ADGRB2: variants seen among roughly 807,000 people sequenced by gnomAD.
ADGRB2 encodes the protein adhesion G protein-coupled receptor B2.
A neutral mutation model predicts 178.7 loss-of-function variants in ADGRB2; 47 were observed. The observed-to-expected ratio is 0.26, with a 90% confidence interval of 0.21 to 0.34. The LOEUF (loss-of-function observed/expected upper bound fraction) is 0.34. Ranked by LOEUF, ADGRB2 falls within the 10% of genes least tolerant of loss-of-function variation. The probability of loss-of-function intolerance (pLI) is 1.00; values close to 1 mark genes in which losing one functional copy is unlikely to be tolerated. For missense variants in ADGRB2, 1,584 were observed against 2,180.8 expected (o/e 0.73, Z 5.45); for synonymous variants, 870 against 912.4 (o/e 0.95, Z 0.84).
chr1:31,742,913 G>C lies in ADGRB2; in HGVS notation c.1177C>G (p.Pro393Ala), dbSNP rs1334110662. ...CAGGCCTTGCCGCCGTGCTGGGGGG[G>C]CACGCAGGTCCGCATCCGGCTCCGG... ...GSRSRMRTCV[P>A]PQHGGKACEG... The change falls in exon 7 of 33, where the codon CCC (proline) becomes GCC (alanine). Residue 393 changes from proline (P) to alanine (A), a missense_variant. Pro to Ala is a conservative substitution (Grantham distance 27, BLOSUM62 -1). Around this residue, in one of 3 missense-constraint regions of ADGRB2, gnomAD observed 657 missense variants for 847.6 expected, o/e 0.78. Transcript: ENST00000373658. 1 of 1,542,232 alleles carries C rather than the reference G, an allele frequency of 6.5e-7. No homozygotes were observed. Among genetic ancestry groups the C allele is most frequent in the Admixed American group, 2.0e-5 (1 of 50,542 alleles).
In ADGRB2 at chr1:31,738,486, T is replaced by C. The variant is rs900999326; in HGVS notation, c.2645+101A>G. On this transcript the variant is annotated intron_variant, in intron 17 of 32. Transcript: ENST00000373658. The stretch of plus-strand genomic sequence containing the variant: ...ACGTTCTTGACCCCTTAGGCTAGGA[T>C]GGCACCAAAAATCCCTCTTGCCTTT... 20 of 1,534,272 alleles carry C rather than the reference T, an allele frequency of 1.3e-5. No homozygotes were observed. The Admixed American group carries it at 3.3e-4, about 25-fold the overall frequency.
At position 31,756,542 on chromosome 1, in the gene ADGRB2, G is replaced by A. The variant is rs758096646; in HGVS notation, c.295C>T (p.Pro99Ser). ...AAGTTGACCAGGTAGTGGTCCAGGG[G>A]CAGCAGGCGGGGGGCAAAGTGTGCG... The part of the protein sequence containing the change: ...VCAHFAPRLL[P>S]LDHYLVNFTC... The change falls in exon 4 of 33, where the codon CCC (proline) becomes TCC (serine). Residue 99 changes from proline to serine, a missense_variant. Pro to Ser is a moderately conservative substitution (Grantham distance 74, BLOSUM62 -1). This residue lies in a region of ADGRB2 where 657 missense variants were observed against 847.6 expected (regional missense o/e 0.78). Transcript: ENST00000373658. This position sits in a 1 kb window ranked among gnomAD's most constrained non-coding sequence, Gnocchi z 8.5. 2.5e-6 allele frequency: 4 copies of A among 1,613,270 alleles called. No homozygotes were observed. The highest frequency in any genetic ancestry group is 1.7e-5 in the Admixed American group (1 of 59,950).
chr1:31,727,539 AG>A lies in ADGRB2; in HGVS notation c.4638del (p.Phe1547SerfsTer4). 1 of 1,596,694 alleles carries A rather than the reference AG, an allele frequency of 6.3e-7. No individual in the cohort carries two copies. Among genetic ancestry groups the A allele is most frequent in the Non-Finnish European group, 8.5e-7 (1 of 1,174,792 alleles). ...SQHRRHQSWS[T>X]FKSMTLGSLP... ...AGCGAGCCCAGTGTCATAGATTTGAAGGTGCTCCAGCTCTGATGGCGCCGAT... is the reference window on the plus strand; with the variant it reads ...AGCGAGCCCAGTGTCATAGATTTGAAGTGCTCCAGCTCTGATGGCGCCGAT... On this transcript the variant is annotated frameshift_variant, in exon 33 of 33. Transcript: ENST00000373658. LOFTEE classifies it high-confidence loss of function. This position sits in a 1 kb window ranked among gnomAD's most constrained non-coding sequence, Gnocchi z 4.4.
At chr1:31,731,561 G>A (rs1168234524) in intron 28 of ADGRB2, 142 bp from the exon 29 acceptor site, 2 of 1,041,642 alleles carry the variant, frequency 1.9e-6, no homozygotes, top group Admixed American at 3.1e-5. Flanking sequence ...TGGGTGGTTG[G>A]TAATCTCTCA....
intron 20 of ADGRB2, 113 bp downstream of exon 20, chr1:31,737,316 G>A: frequency 1.0e-6 from 1 of 987,302 alleles, no homozygotes; most frequent in Non-Finnish European, 1.6e-6. Flanking sequence ...CCCAACATGG[G>A]GCACACATAC....
At chr1:31,730,254 G>T (rs541118548) in intron 29 of ADGRB2, among the ~76,000 whole-genome samples, 1 of 152,328 alleles carries the variant, frequency 6.6e-6, no homozygotes, top group East Asian at 1.9e-4. Flanking sequence ...GTTACCACAG[G>T]CCTGTGGGCA....
In ADGRB2 at chr1:31,735,584, C is replaced by T. The variant is rs763333415; in HGVS notation, c.3349G>A (p.Ala1117Thr). 1.2e-6 allele frequency: 2 copies of T among 1,613,912 alleles called. No homozygotes were observed. Among genetic ancestry groups the T allele is most frequent in the Middle Eastern group, 1.7e-4 (1 of 6,060 alleles). The change falls in exon 24 of 33, where the codon GCC becomes ACC. Residue 1117 changes from alanine to threonine, a missense_variant. Ala to Thr is a moderately conservative substitution (Grantham distance 58). Around this residue, in one of 3 missense-constraint regions of ADGRB2, gnomAD observed 865 missense variants for 1,192.8 expected, o/e 0.73. Transcript: ENST00000373658. The surrounding 1 kb of genome is among the most constrained non-coding windows in gnomAD (Gnocchi z 6.0). ...GISDKSKKQR[A>T]GSERCPWASL... ...TCTCAGAGGCCCCCCCCTTACCCGG[C>T]CCTCTGCTTCTTGGATTTGTCGGAG...
chr1:31,734,155 C>A (rs1161615063), intron 25 of ADGRB2, among the ~76,000 whole-genome samples: 1 of 152,204 alleles, frequency 6.6e-6, no homozygotes. Context: ...GGAGGTGTAG[C>A]CAAGACTAAG....
In ADGRB2 at chr1:31,740,908, C is replaced by CACACACACAG. The variant is rs954572327; in HGVS notation, c.1795-368_1795-367insCTGTGTGTGT. Among the ~76,000 whole-genome samples, 11 of 150,486 alleles carry CACACACACAG rather than the reference C, an allele frequency of 7.3e-5. No individual in the cohort carries two copies. Among genetic ancestry groups the CACACACACAG allele is most frequent in the African/African-American group, 2.7e-4 (11 of 40,558 alleles). On this transcript the variant is annotated intron_variant, in intron 11 of 32. Coordinates refer to ENST00000373658, the MANE Select transcript of ADGRB2 (RefSeq NM_001364857.2). The surrounding 1 kb of genome is among the most constrained non-coding windows in gnomAD (Gnocchi z 5.9). ...GTGGGCGCGCGCGCACACACACACACACACACACACACACACACTGTCTTT... is the reference window on the plus strand; with the variant it reads ...GTGGGCGCGCGCGCACACACACACACACACACACAGACACACACACACACACACTGTCTTT...
intron 1 of ADGRB2, among the ~76,000 whole-genome samples, chr1:31,762,268 T>C (rs1647062468): frequency 6.6e-6 from 1 of 151,956 alleles, no homozygotes; most frequent in African/African-American, 2.4e-5. Context: ...GAGAAGACCC[T>C]CCCTAACCTC....
At chr1:31,760,523 G>T (rs1297585263) in intron 1 of ADGRB2, among the ~76,000 whole-genome samples, 4 of 152,028 alleles carry the variant, frequency 2.6e-5, no homozygotes, top group Admixed American at 2.6e-4. Flanking sequence ...AGCAGCGGGA[G>T]AGGGGTGTCT....
In ADGRB2 at chr1:31,738,861, T is replaced by C. The variant is rs765411112; in HGVS notation, c.2572A>G (p.Ile858Val). 4 of 1,614,034 alleles carry C rather than the reference T, an allele frequency of 2.5e-6. No homozygotes were observed. Among genetic ancestry groups the C allele is most frequent in the East Asian group, 2.2e-5 (1 of 44,880 alleles). Reference sequence around the variant, plus strand: ...ATGATGTAGGAGAGCTCCACAGTGATGAGGGGCTCAGCTGGAGGCTGGGTA... The same window carrying C: ...ATGATGTAGGAGAGCTCCACAGTGACGAGGGGCTCAGCTGGAGGCTGGGTA... The part of the protein sequence containing the change: ...PPTQPPAEPL[I>V]TVELSYIING... Residue 858 changes from isoleucine (I) to valine (V), a missense_variant, in exon 16 of 33, where the codon ATC (isoleucine) becomes GTC (valine). Physicochemically the swap from Ile to Val is conservative, Grantham distance 29 (BLOSUM62 3). Coordinates refer to ENST00000373658, the MANE Select transcript of ADGRB2 (RefSeq NM_001364857.2).
chr1:31,763,299 G>A (rs926385661), intron 1 of ADGRB2, among the ~76,000 whole-genome samples: 3 of 151,340 alleles, frequency 2.0e-5, no homozygotes, highest in Non-Finnish European at 4.4e-5. Context: ...AGATAGATAT[G>A]GGGGAGGGGG....
rs1646833441 is a variant in ADGRB2, at chr1:31,756,387, G to A, written c.450C>T (p.Phe150=). The A allele has an allele frequency of 6.2e-7, 1 of 1,612,932 alleles. No homozygotes were observed. Among genetic ancestry groups the A allele is most frequent in the African/African-American group, 1.3e-5 (1 of 74,958 alleles). Residue 150 remains phenylalanine, a synonymous_variant, in exon 4 of 33, where the codon TTC becomes TTT. Transcript: ENST00000373658. The surrounding 1 kb of genome is among the most constrained non-coding windows in gnomAD (Gnocchi z 8.5). The part of the protein sequence containing the change: ...ELCSGSGPFT[F]LHFDKNFVQL... ...GCACGAAGTTCTTGTCGAAGTGCAG[G>A]AAGGTAAAGGGGCCTGAGCCGCTGC...
intron 1 of ADGRB2, among the ~76,000 whole-genome samples, chr1:31,762,080 G>T (rs1647056067): frequency 6.6e-6 from 1 of 152,020 alleles, no homozygotes; most frequent in Non-Finnish European, 1.5e-5. Context: ...AGGGAGGGAG[G>T]GATGGGGGCA....
rs767293804 is a variant in ADGRB2, at chr1:31,732,616, G to A, written c.3625-4C>T. The A allele has an allele frequency of 6.2e-7, 1 of 1,613,680 alleles. No homozygotes were observed. Among genetic ancestry groups the A allele is most frequent in the Non-Finnish European group, 8.5e-7 (1 of 1,179,870 alleles). ...GGCACTTCACCACATCCTGGACCTG[G>A]GGACAGAGGGCGCCTGCTGGGCCTG... On this transcript the variant is annotated splice_polypyrimidine_tract_variant and splice_region_variant and intron_variant, in intron 26 of 32. Transcript: ENST00000373658.
At chr1:31,748,149 G>T (rs1646371587) in intron 4 of ADGRB2, among the ~76,000 whole-genome samples, 1 of 152,206 alleles carries the variant, frequency 6.6e-6, no homozygotes, top group African/African-American at 2.4e-5. Flanking sequence ...CAGACCATCT[G>T]CTGGCCAGCC....
At chr1:31,731,534 G>A (rs1645284409) in intron 28 of ADGRB2, 115 bp from the exon 29 acceptor site, 4 of 1,312,960 alleles carry the variant, frequency 3.0e-6, no homozygotes, top group Middle Eastern at 4.2e-4. Context: ...AAGGAAACTG[G>A]GTCCTGGAGA....
chr1:31,731,205 G>A lies in ADGRB2; in HGVS notation c.3975C>T (p.Tyr1325=), dbSNP rs774720197. 6.2e-7 allele frequency: 1 copy of A among 1,601,408 alleles called. No individual in the cohort carries two copies. The highest frequency in any genetic ancestry group is 8.5e-7 in the Non-Finnish European group (1 of 1,174,656). Residue 1325 remains tyrosine (Y), a synonymous_variant, in exon 29 of 33, where the codon TAC becomes TAT. Transcript: ENST00000373658. ...GCCGCAGGCCACCCTCCCCACACAT[G>A]TAAACAGGGTTGGCCTCCTGTGGGG... ...PPPPQEANPV[Y]MCGEGGLRQL... is the part of the protein sequence containing the mutation.
Sources: allele counts gnomAD v4.1 joint callset (sites outside exome capture counted in the v4.1 genomes callset), GRCh38; gene constraint gnomAD v4.1.1; regional missense constraint gnomAD v4.1.1; non-coding constraint Gnocchi (gnomAD v3.1); transcripts MANE v1.5; gene names NCBI Gene and HGNC (gene_info 2026-07-23, HGNC 2026-07-21).